Variants in FANK1 observed in about 807,000 individuals in gnomAD.
The protein encoded by FANK1 is fibronectin type III and ankyrin repeat domains 1.
In FANK1, 44 loss-of-function variants were observed where a neutral mutation model predicts 45.3. That is an observed-to-expected ratio of 0.97 (90% CI 0.76 to 1.25). The LOEUF is 1.25. Ranked by LOEUF, FANK1 falls within the 50% of genes most tolerant of loss-of-function variation. FANK1 has a pLI of 0.00. For synonymous variants in FANK1, 149 were observed against 152.5 expected (o/e 0.98, Z 0.17); for missense variants, 391 against 424.4 (o/e 0.92, Z 0.69).
In FANK1 at chr10:125,963,145, G is replaced by A. The variant is rs575769006; in HGVS notation, c.14-17016G>A. On this transcript the variant is annotated intron_variant, in intron 1 of 10. Coordinates refer to ENST00000368693, the MANE Select transcript of FANK1 (RefSeq NM_145235.5). ...ATTACAGGTGCCCACCACCATGCCCGGCTAATTTTTGTATTTTTAGTAGAG... is the reference window on the plus strand; with the variant it reads ...ATTACAGGTGCCCACCACCATGCCCAGCTAATTTTTGTATTTTTAGTAGAG... 1.8e-4 allele frequency among the ~76,000 whole-genome samples: 27 copies of A among 152,124 alleles called. No individual in the cohort carries two copies. The East Asian group carries it at 2.1e-3, about 12-fold the overall frequency.
At chr10:125,979,881 ATATGT>A (rs1396667270) in intron 1 of FANK1, 1 of 547,788 alleles carries the variant, frequency 1.8e-6, no homozygotes, top group East Asian at 4.4e-5. Flanking sequence ...TATTAGTTTG[ATATGT>A]TAAGCAGCCC....
chr10:125,928,811 GTCT>G (rs370710715), intron 1 of FANK1, among the ~76,000 whole-genome samples: 79 of 152,210 alleles, frequency 5.2e-4, no homozygotes, highest in African/African-American at 1.8e-3. Context: ...TGGGTTACCT[GTCT>G]TCTTGTTTAA....
At chr10:125,947,837 A>G (rs1257175710) in intron 1 of FANK1, among the ~76,000 whole-genome samples, 1 of 128,612 alleles carries the variant, frequency 7.8e-6, no homozygotes, top group South Asian at 2.8e-4. Flanking sequence ...CACCACACCT[A>G]TTCCAAAATT....
chr10:125,920,639 G>GA (rs1352189418), intron 1 of FANK1, among the ~76,000 whole-genome samples: 6 of 152,156 alleles, frequency 3.9e-5, no homozygotes, highest in Non-Finnish European at 8.8e-5. Context: ...CAGAGTTTGG[G>GA]CTCAGCCGCT....
chr10:125,952,940 T>C (rs969425563), intron 1 of FANK1, among the ~76,000 whole-genome samples: 4 of 151,886 alleles, frequency 2.6e-5, no homozygotes, highest in African/African-American at 9.7e-5. Flanking sequence ...TTTATCCCCA[T>C]AGGGAGAAAG....
Position 125,977,388 on chromosome 10 carries a change from G to A in FANK1, c.14-2773G>A, listed in dbSNP as rs116029977. ...GTTTTTGGTATTGAAGCTTTGGGGT[G>A]TGATCCAGTAGGTGGCGCTTAGGTG... is the stretch of plus-strand genomic sequence containing the variant. On this transcript the variant is annotated intron_variant, in intron 1 of 10. Coordinates refer to ENST00000368693, the MANE Select transcript of FANK1 (RefSeq NM_145235.5). Among the ~76,000 whole-genome samples, 214 of 152,326 alleles carry A rather than the reference G, an allele frequency of 1.4e-3. 2 individuals are homozygous for A. The highest frequency in any genetic ancestry group is 4.9e-3 in the African/African-American group (202 of 41,568).
chr10:125,974,865 A>G (rs1950759641), intron 1 of FANK1: 1 of 151,786 alleles, frequency 6.6e-6, no homozygotes, highest in African/African-American at 2.4e-5. Flanking sequence ...TTTAATTTTT[A>G]TTTTAGGTTT....
intron 2 of FANK1, among the ~76,000 whole-genome samples, chr10:125,982,396 C>T (rs538865864): frequency 3.9e-5 from 6 of 152,324 alleles, no homozygotes; most frequent in African/African-American, 4.8e-5. Context: ...CTCACTCTGA[C>T]GACAGCCTGG....
intron 1 of FANK1, among the ~76,000 whole-genome samples, chr10:125,903,171 G>T (rs1409291881): frequency 6.6e-6 from 1 of 152,304 alleles, no homozygotes; most frequent in Admixed American, 6.5e-5. Context: ...ACTTCTTGAT[G>T]GGAGAAGGAA....
At position 126,004,999 on chromosome 10, in the gene FANK1, G is replaced by A; in HGVS notation, c.655G>A (p.Asp219Asn). The A allele has an allele frequency of 3.7e-6, 6 of 1,614,210 alleles. No individual in the cohort carries two copies. The highest frequency in any genetic ancestry group is 5.1e-6 in the Non-Finnish European group (6 of 1,180,026). ...CTGTACAGCTCTGCACTGGGCTGCA[G>A]ATGGAGGCCACTGCAGTGTGATTGA... is the stretch of plus-strand genomic sequence containing the variant. ...GGCTALHWAA[D>N]GGHCSVIEWM... Residue 219 changes from aspartate (D) to asparagine (N), a missense_variant, in exon 7 of 11, where the codon GAT (aspartate) becomes AAT (asparagine). Physicochemically the swap from Asp to Asn is conservative, Grantham distance 23. Transcript: ENST00000368693.
At position 126,009,443 on chromosome 10, in the gene FANK1, A is replaced by G. The variant is rs1424305470; in HGVS notation, c.*5A>G. The G allele has an allele frequency of 6.2e-7, 1 of 1,613,370 alleles. No individual in the cohort carries two copies. The highest frequency in any genetic ancestry group is 2.2e-5 in the East Asian group (1 of 44,892). On this transcript the variant is annotated 3_prime_UTR_variant, in exon 11 of 11. Coordinates refer to ENST00000368693, the MANE Select transcript of FANK1 (RefSeq NM_145235.5). The stretch of plus-strand genomic sequence containing the variant: ...AAGAAGTCTTGTGTCTGCTGATGAG[A>G]GCACCACTCATCTGCGAAACGCACG...
chr10:125,930,215 G>C (rs1275060028), intron 1 of FANK1, among the ~76,000 whole-genome samples: 1 of 151,650 alleles, frequency 6.6e-6, no homozygotes, highest in Non-Finnish European at 1.5e-5. Context: ...GCTAATTTTT[G>C]TATATTTAAT....
chr10:125,957,916 A>G (rs1403667685), intron 1 of FANK1, among the ~76,000 whole-genome samples: 1 of 152,010 alleles, frequency 6.6e-6, no homozygotes, highest in Non-Finnish European at 1.5e-5. Context: ...ATATTTAAAA[A>G]ATTGGTTTCT....
At chr10:125,966,538 A>G (rs968787360) in intron 1 of FANK1, among the ~76,000 whole-genome samples, 6 of 152,158 alleles carry the variant, frequency 3.9e-5, no homozygotes, top group Non-Finnish European at 5.9e-5. Context: ...CTGTGCCCTC[A>G]GGACACAGGA....
At chr10:125,989,241 G>C in intron 3 of FANK1, 1 of 1,527,850 alleles carries the variant, frequency 6.5e-7, no homozygotes, top group Non-Finnish European at 8.8e-7. Flanking sequence ...TTCTGAGATT[G>C]GTATTTTAAA....
chr10:125,942,366 G>A (rs946022913), intron 1 of FANK1, among the ~76,000 whole-genome samples: 3 of 152,188 alleles, frequency 2.0e-5, no homozygotes, highest in South Asian at 2.1e-4. Flanking sequence ...CGTCCTGCAC[G>A]TATATTCCAG....
At chr10:125,962,502 T>A (rs1461277903) in intron 1 of FANK1, among the ~76,000 whole-genome samples, 1 of 152,222 alleles carries the variant, frequency 6.6e-6, no homozygotes, top group African/African-American at 2.4e-5. Context: ...TCTTAATTTA[T>A]TCTCAGTCAT....
Position 126,008,506 on chromosome 10 carries a change from G to A in FANK1, c.805G>A (p.Ala269Thr), listed in dbSNP as rs767437940. ...GGCCTCTCTTCTAATTGATGCTGGG[G>A]CCAATGTGAATGTGAAGGACAGAAA... ...RVASLLIDAGANVNVKDRNGK... is the reference protein window; with the variant it reads ...RVASLLIDAGTNVNVKDRNGK... The change falls in exon 8 of 11, where the codon GCC (alanine) becomes ACC (threonine). Residue 269 changes from alanine to threonine, a missense_variant. Physicochemically the swap from Ala to Thr is moderately conservative, Grantham distance 58. Coordinates refer to ENST00000368693, the MANE Select transcript of FANK1 (RefSeq NM_145235.5). 6.2e-7 allele frequency: 1 copy of A among 1,613,498 alleles called. No homozygotes were observed. The highest frequency in any genetic ancestry group is 8.5e-7 in the Non-Finnish European group (1 of 1,179,810).
At chr10:125,963,571 G>A (rs940538565) in intron 1 of FANK1, among the ~76,000 whole-genome samples, 16 of 152,146 alleles carry the variant, frequency 1.1e-4, no homozygotes, top group Non-Finnish European at 1.9e-4. Context: ...CCATAAGAAA[G>A]GATGAGTTCA....
Sources: gnomAD v4.1 joint callset for allele counts (sites outside exome capture counted in the v4.1 genomes callset) on GRCh38, gnomAD v4.1.1 for gene constraint, MANE v1.5 for transcripts, NCBI Gene and HGNC (gene_info 2026-07-23, HGNC 2026-07-21) for gene names.